Variants in POLA1 observed in about 807,000 individuals in gnomAD.
POLA1 encodes the protein DNA polymerase alpha 1, catalytic subunit, also known as DNA polymerase alpha catalytic subunit.
POLA1 carries 15 observed loss-of-function variants against 124.0 expected under a neutral mutation model. The ratio of observed to expected loss-of-function variants is 0.12; its 90% CI spans 0.08 to 0.19. The LOEUF is 0.19. Ranked by LOEUF, POLA1 falls within the 10% of genes least tolerant of loss-of-function variation. POLA1 has a pLI of 1.00. For missense variants in POLA1, 886 were observed against 1,103.4 expected (o/e 0.80, Z 2.79); for synonymous variants, 408 against 389.4 (o/e 1.05, Z -0.56).
At chrX:24,800,676 T>G (rs1334392668) in intron 26 of POLA1, among the ~76,000 whole-genome samples, 1 of 112,299 alleles carries the variant, frequency 8.9e-6, no homozygotes, top group African/African-American at 3.2e-5. Flanking sequence ...ATAAGAATGT[T>G]GTGAAAGGAA....
At chrX:24,817,935 A>ATTT (rs747221901) in intron 30 of POLA1, among the ~76,000 whole-genome samples, 5 of 81,487 alleles carry the variant, frequency 6.1e-5, no homozygotes, top group African/African-American at 1.4e-4. Flanking sequence ...TCATGACAAT[A>ATTT]TTTTTTTTTT....
intron 36 of POLA1, among the ~76,000 whole-genome samples, chrX:24,954,581 T>G (rs1229529287): frequency 8.9e-6 from 1 of 112,555 alleles, no homozygotes; most frequent in Non-Finnish European, 1.9e-5. Flanking sequence ...ACTCCAAAGG[T>G]CATCTGTAAT....
chrX:24,714,435 C>A, intron 4 of POLA1, 119 bp from the exon 5 acceptor site: 1 of 460,563 alleles, frequency 2.2e-6, no homozygotes, highest in Non-Finnish European at 3.8e-6. Context: ...GGAATACAGG[C>A]ATGATGTATT....
chrX:24,826,622 T>G, intron 32 of POLA1, 21 bp downstream of exon 32: 2 of 1,101,088 alleles, frequency 1.8e-6, no homozygotes, highest in Non-Finnish European at 2.5e-6. Flanking sequence ...CAAGCTCACA[T>G]AGAACCTCAC....
chrX:24,833,845 C>CT (rs1344626797), intron 32 of POLA1, among the ~76,000 whole-genome samples: 1 of 112,398 alleles, frequency 8.9e-6, no homozygotes, highest in Non-Finnish European at 1.9e-5. Context: ...AATCCCAACA[C>CT]TTTGGGAGGC....
Position 24,726,956 on chromosome X carries a change from A to G in POLA1, c.1416A>G (p.Gln472=). The change falls in exon 14 of 37, where the codon CAA becomes CAG. Residue 472 remains glutamine, a synonymous_variant. Coordinates refer to ENST00000379068, the MANE Select transcript of POLA1 (RefSeq NM_001330360.2). ...KYSAEMPQLP[Q]DLKGETFSHV... ...AGGCTGAAATGCCACAGCTTCCTCA[A>G]GATTTGAAAGGAGAAACTTTTTCTC... The G allele has an allele frequency of 8.4e-7, 1 of 1,193,418 alleles. No individual in the cohort carries two copies. The highest frequency in any genetic ancestry group is 1.1e-6 in the Non-Finnish European group (1 of 885,597).
At chrX:24,744,705 C>T (rs934885212) in intron 23 of POLA1, 1 of 276,294 alleles carries the variant, frequency 3.6e-6, no homozygotes. Context: ...GTAATTTCAG[C>T]ACTTTGGGAG....
intron 26 of POLA1, among the ~76,000 whole-genome samples, chrX:24,779,047 C>T (rs899613248): frequency 9.0e-6 from 1 of 111,451 alleles, no homozygotes; most frequent in East Asian, 2.8e-4. Context: ...TGATTTCAAT[C>T]CAGGAACTGA....
intron 36 of POLA1, among the ~76,000 whole-genome samples, chrX:24,967,204 G>A (rs1212468795): frequency 1.4e-5 from 1 of 72,827 alleles, no homozygotes; most frequent in African/African-American, 5.3e-5. Context: ...CCAAGAAGAC[G>A]AAACATATTT....
chrX:24,737,979 C>T (rs1488561935), intron 19 of POLA1, among the ~76,000 whole-genome samples: 9 of 97,296 alleles, frequency 9.3e-5, no homozygotes, highest in Non-Finnish European at 1.7e-4. Flanking sequence ...TTTGGGAGGC[C>T]GAGGCGGGTG....
chrX:24,875,107 T>C (rs894437226), intron 34 of POLA1, among the ~76,000 whole-genome samples: 3 of 110,706 alleles, frequency 2.7e-5, no homozygotes, highest in Admixed American at 1.9e-4. Context: ...TCTCAGCCAG[T>C]TGGCAAAGAA....
At chrX:24,841,447 A>G (rs1195297648) in intron 32 of POLA1, among the ~76,000 whole-genome samples, 2 of 112,151 alleles carry the variant, frequency 1.8e-5, no homozygotes, top group Non-Finnish European at 3.8e-5. Context: ...GTTCAGTGGC[A>G]TATTTCTGTG....
At chrX:24,939,618 T>G (rs750850824) in intron 36 of POLA1, among the ~76,000 whole-genome samples, 1 of 111,790 alleles carries the variant, frequency 8.9e-6, no homozygotes, top group Non-Finnish European at 1.9e-5. Flanking sequence ...GTGGAAGGCT[T>G]TCCATGGTTA....
rs1285979052 is a variant in POLA1, at chrX:24,903,961, G to A, written c.4164+15839G>A. On this transcript the variant is annotated intron_variant, in intron 35 of 36. Coordinates refer to ENST00000379068, the MANE Select transcript of POLA1 (RefSeq NM_001330360.2). ...TCTTTCTTTTTTTTTTTTAAGACCG[G>A]TTCTTACTCTGTCAACCAGGTGGAG... Among the ~76,000 whole-genome samples the A allele has an allele frequency of 9.1e-5, 9 of 98,826 alleles. No individual in the cohort carries two copies. The Admixed American group carries it at 9.2e-4, about 10-fold the overall frequency. The allele number at this position is 98,826 out of a possible 115,157, so 85.8% of individuals were successfully genotyped here.
At chrX:24,874,693 C>T (rs747089421) in intron 34 of POLA1, among the ~76,000 whole-genome samples, 52 of 111,490 alleles carry the variant, frequency 4.7e-4, no homozygotes, top group Non-Finnish European at 1.9e-4. Context: ...TTTCGTATCC[C>T]AGGCTGATGT....
Position 24,996,754 on chromosome X carries a change from G to C in POLA1, c.*804G>C, listed in dbSNP as rs1017232794. ...GGGAGAGGGATGCTTAATTGGCCCT[G>C]GCGCTTGCTATTTTTTTCTCATTTC... On this transcript the variant is annotated 3_prime_UTR_variant, in exon 37 of 37. Transcript: ENST00000379068. 1.8e-5 allele frequency: 2 copies of C among 111,897 alleles called. No homozygotes were observed. The highest frequency in any genetic ancestry group is 3.8e-5 in the Non-Finnish European group (2 of 53,219). 9.2% of individuals were successfully genotyped at this position (111,897 alleles called of 1,213,427 possible).
chrX:24,822,610 T>A (rs990521853), intron 31 of POLA1, among the ~76,000 whole-genome samples: 2 of 112,321 alleles, frequency 1.8e-5, no homozygotes, highest in African/African-American at 6.5e-5. Context: ...AGCACTTGAC[T>A]CTGTCTCCCC....
intron 34 of POLA1, among the ~76,000 whole-genome samples, chrX:24,881,049 A>G (rs780799150): frequency 3.4e-4 from 38 of 111,726 alleles, no homozygotes; most frequent in African/African-American, 1.1e-3. Context: ...TAAAGCAAAG[A>G]CAGCCTCCTC....
chrX:24,773,739 G>T (rs1368990542), intron 26 of POLA1, among the ~76,000 whole-genome samples: 1 of 112,063 alleles, frequency 8.9e-6, no homozygotes, highest in Non-Finnish European at 1.9e-5. Context: ...CTTCTTAAAT[G>T]AATGCCTGAG....
Sources: gnomAD v4.1 joint callset for allele counts (sites outside exome capture counted in the v4.1 genomes callset) on GRCh38, gnomAD v4.1.1 for gene constraint, MANE v1.5 for transcripts, NCBI Gene and HGNC (gene_info 2026-07-23, HGNC 2026-07-21) for gene names.